The following PACS1 variants were observed in gnomAD, a reference collection of about 807,000 sequenced individuals.
PACS1 encodes phosphofurin acidic cluster sorting protein 1.
In PACS1, 24 loss-of-function variants were observed where a neutral mutation model predicts 115.0. The observed-to-expected ratio is 0.21, with a 90% confidence interval of 0.15 to 0.29. PACS1 has a LOEUF of 0.29. Among genes scored for constraint, PACS1 ranks in the 10% least tolerant of loss-of-function variants. PACS1 has a pLI of 1.00. For synonymous variants in PACS1, 453 were observed against 504.5 expected, an observed-to-expected ratio of 0.90 and a Z score of 1.37; for missense variants, 838 against 1,251.2, an observed-to-expected ratio of 0.67 and a Z score of 4.98.
In PACS1 at chr11:66,211,159, C is replaced by T. The variant is rs1162091567; in HGVS notation, c.560C>T (p.Ala187Val). 6.2e-7 allele frequency: 1 copy of T among 1,613,746 alleles called. No homozygotes were observed. The highest frequency in any genetic ancestry group is 2.2e-5 in the East Asian group (1 of 44,872). ...TACCCTCATTTCCTTAAGCGAGATG[C>T]CAACAAGCTGCAGATCATGCTGCAA... ...LQYPHFLKRDANKLQIMLQRR... is the reference protein window; with the variant it reads ...LQYPHFLKRDVNKLQIMLQRR... Residue 187 changes from alanine (A) to valine (V), a missense_variant, in exon 4 of 24, where the codon GCC (alanine) becomes GTC (valine). Ala to Val is a moderately conservative substitution (Grantham distance 64, BLOSUM62 0). Transcript: ENST00000320580.
Position 66,235,374 on chromosome 11 carries a change from C to G in PACS1, c.2178C>G (p.Ala726=). 1 of 1,613,844 alleles carries G rather than the reference C, an allele frequency of 6.2e-7. No individual in the cohort carries two copies. Among genetic ancestry groups the G allele is most frequent in the Non-Finnish European group, 8.5e-7 (1 of 1,179,784 alleles). The change falls in exon 18 of 24, where the codon GCC becomes GCG. Residue 726 remains alanine, a synonymous_variant. Coordinates refer to ENST00000320580, the MANE Select transcript of PACS1 (RefSeq NM_018026.4). This position sits in a 1 kb window ranked among gnomAD's most constrained non-coding sequence, Gnocchi z 5.6. Reference sequence around the variant, plus strand: ...CCACGACACACCAGCTTCCCGTGGCCGAAGCCATGCTGACTTGCCGGCATA... The same window carrying G: ...CCACGACACACCAGCTTCCCGTGGCGGAAGCCATGCTGACTTGCCGGCATA... ...GAATTHQLPV[A]EAMLTCRHKF... is the part of the protein sequence containing the mutation.
At chr11:66,173,128 C>G (rs987304189) in intron 1 of PACS1, among the ~76,000 whole-genome samples, 17 of 149,172 alleles carry the variant, frequency 1.1e-4, no homozygotes, top group Non-Finnish European at 1.9e-4. Flanking sequence ...AGACAGGGTC[C>G]TGCTATGTTG....
intron 1 of PACS1, among the ~76,000 whole-genome samples, chr11:66,122,600 A>G (rs755164992): frequency 3.7e-4 from 57 of 152,248 alleles, no homozygotes; most frequent in Admixed American, 1.4e-3. Context: ...CAAAGTATCA[A>G]CATCAACAGG....
chr11:66,205,283 C>T (rs983465846), intron 2 of PACS1, among the ~76,000 whole-genome samples: 30 of 151,822 alleles, frequency 2.0e-4, no homozygotes, highest in South Asian at 4.1e-4. Flanking sequence ...CCACGCCCAG[C>T]CAAAACAATT....
intron 1 of PACS1, among the ~76,000 whole-genome samples, chr11:66,164,076 A>C (rs1396454841): frequency 6.6e-6 from 1 of 152,210 alleles, no homozygotes; most frequent in African/African-American, 2.4e-5. Context: ...GAAAGGAAAA[A>C]GAGTGAAATC....
chr11:66,167,440 T>G (rs2134634740), intron 1 of PACS1, among the ~76,000 whole-genome samples: 1 of 146,882 alleles, frequency 6.8e-6, no homozygotes, highest in East Asian at 2.0e-4. Context: ...CCTCAACTGA[T>G]CCTCCCACCT....
chr11:66,206,474 C>T (rs1473860872), intron 2 of PACS1, among the ~76,000 whole-genome samples: 2 of 152,070 alleles, frequency 1.3e-5, no homozygotes, highest in Admixed American at 6.6e-5. Context: ...GGCCTGGCTG[C>T]GATCCCGTGA....
chr11:66,212,047 AAGTGCTCTGTTCTC>A (rs1855083290), intron 4 of PACS1, among the ~76,000 whole-genome samples: 2 of 152,292 alleles, frequency 1.3e-5, no homozygotes, highest in South Asian at 4.1e-4. Context: ...ATTACCACAG[AAGTGCTCTGTTCTC>A]AGTGCAGCTT....
intron 1 of PACS1, among the ~76,000 whole-genome samples, chr11:66,162,112 GTTTTTTTTTTTT>G (rs58980906): frequency 5.0e-3 from 281 of 56,410 alleles, no homozygotes; most frequent in Admixed American, 0.012. Flanking sequence ...GGTGGTGGTG[GTTTTTTTTTTTT>G]TTTTTTTTTT....
rs1855708814 is a variant in PACS1 at position 66,236,569 on chromosome 11, A to G, written c.2250+629A>G. On this transcript the variant is annotated intron_variant, in intron 19 of 23. Transcript: ENST00000320580. This position sits in a 1 kb window ranked among gnomAD's most constrained non-coding sequence, Gnocchi z 4.2. The stretch of plus-strand genomic sequence containing the variant: ...CAAGGAAGAACCCCGTGGATGTCTC[A>G]TGGCAGGTGCATTGCCGGCTGTCTG... Among the ~76,000 whole-genome samples, 1 of 152,138 alleles carries G rather than the reference A, an allele frequency of 6.6e-6. No individual in the cohort carries two copies. The highest frequency in any genetic ancestry group is 2.1e-4 in the South Asian group (1 of 4,826).
chr11:66,077,517 C>T (rs1306115356), intron 1 of PACS1, among the ~76,000 whole-genome samples: 2 of 152,102 alleles, frequency 1.3e-5, no homozygotes, highest in African/African-American at 2.4e-5. Context: ...GCCATGATCT[C>T]GCCCCTGTAC....
intron 1 of PACS1, among the ~76,000 whole-genome samples, chr11:66,105,693 T>A (rs975255456): frequency 1.3e-5 from 2 of 152,230 alleles, no homozygotes; most frequent in Non-Finnish European, 2.9e-5. Flanking sequence ...CTGCACTATG[T>A]ACAGAAATAG....
At chr11:66,075,905 T>A (rs1857387896) in intron 1 of PACS1, among the ~76,000 whole-genome samples, 1 of 152,008 alleles carries the variant, frequency 6.6e-6, no homozygotes, top group South Asian at 2.1e-4. Flanking sequence ...GCCCAGCTAA[T>A]TTTTTATATT....
chr11:66,198,109 CT>C (rs1270184928), intron 2 of PACS1, among the ~76,000 whole-genome samples: 1 of 152,220 alleles, frequency 6.6e-6, no homozygotes, highest in Admixed American at 6.5e-5. Flanking sequence ...GAGACAAGGT[CT>C]TGCTGTGTTG....
At chr11:66,162,559 G>A (rs914930046) in intron 1 of PACS1, among the ~76,000 whole-genome samples, 9 of 152,212 alleles carry the variant, frequency 5.9e-5, no homozygotes, top group Admixed American at 3.3e-4. Context: ...GGGCTGGAAG[G>A]GGCCAGGCGG....
intron 1 of PACS1, among the ~76,000 whole-genome samples, chr11:66,093,282 T>C (rs1857705148): frequency 6.6e-6 from 1 of 152,052 alleles, no homozygotes; most frequent in Non-Finnish European, 1.5e-5. Context: ...CCCATCAGTG[T>C]GCTGTATTCA....
chr11:66,123,987 C>G (rs1169113492), intron 1 of PACS1, among the ~76,000 whole-genome samples: 1 of 152,166 alleles, frequency 6.6e-6, no homozygotes. Flanking sequence ...ACAATATCTC[C>G]AAGGAACTGT....
intron 1 of PACS1, among the ~76,000 whole-genome samples, chr11:66,078,846 A>G (rs1343682562): frequency 1.3e-5 from 2 of 152,234 alleles, no homozygotes; most frequent in African/African-American, 4.8e-5. Context: ...AAGCCACCGC[A>G]CCCAGGCTAG....
In PACS1 at chr11:66,123,843, C is replaced by CTT. The variant is rs112896728; in HGVS notation, c.356+53013_356+53014dup. Among the ~76,000 whole-genome samples the CTT allele has an allele frequency of 1.8e-3, 260 of 146,218 alleles. 1 individual carries two copies. Among genetic ancestry groups the CTT allele is most frequent in the African/African-American group, 6.2e-3 (248 of 40,154 alleles). Reference sequence around the variant, plus strand: ...GCCCATTTTTAAATTAAAGTATATACTTTTTTTTTTTTTAAGACAATGCTA... The same window carrying CTT: ...GCCCATTTTTAAATTAAAGTATATACTTTTTTTTTTTTTTTAAGACAATGCTA... On this transcript the variant is annotated intron_variant, in intron 1 of 23. Coordinates refer to ENST00000320580, the MANE Select transcript of PACS1 (RefSeq NM_018026.4).
Sources: gnomAD v4.1 joint callset for allele counts (sites outside exome capture counted in the v4.1 genomes callset) on GRCh38, gnomAD v4.1.1 for gene constraint, Gnocchi (gnomAD v3.1) non-coding constraint, MANE v1.5 for transcripts, NCBI Gene and HGNC (gene_info 2026-07-23, HGNC 2026-07-21) for gene names.